SAMD13: variants seen among roughly 807,000 people sequenced by gnomAD.
The protein encoded by SAMD13 is sterile alpha motif domain-containing protein 13.
Under a neutral mutation model 12.4 loss-of-function variants are expected in SAMD13, and 9 were observed. The ratio of observed to expected loss-of-function variants is 0.72; its 90% CI spans 0.44 to 1.26. SAMD13 has a LOEUF of 1.26. Ranked by LOEUF, SAMD13 falls within the 50% of genes most tolerant of loss-of-function variation. SAMD13 has a pLI of 0.00. For synonymous variants in SAMD13, 46 were observed against 45.4 expected (o/e 1.01, Z -0.05); for missense variants, 84 against 119.6 (o/e 0.70, Z 1.39).
chr1:84,313,544 A>G (rs1678762244), intron 2 of SAMD13, among the ~76,000 whole-genome samples: 2 of 151,112 alleles, frequency 1.3e-5, no homozygotes, highest in African/African-American at 4.9e-5. Context: ...CCCCTATTTC[A>G]TTTTATCCTG....
chr1:84,339,197 T>C (rs2101816470), intron 3 of SAMD13, among the ~76,000 whole-genome samples: 1 of 152,322 alleles, frequency 6.6e-6, no homozygotes, highest in African/African-American at 2.4e-5. Context: ...GTACAGTCAT[T>C]TGGAGATAAG....
intron 3 of SAMD13, among the ~76,000 whole-genome samples, chr1:84,327,273 G>T (rs1259391349): frequency 1.3e-5 from 2 of 152,156 alleles, no homozygotes; most frequent in African/African-American, 4.8e-5. Context: ...ATGAACTACT[G>T]TTATGTGCAG....
intron 2 of SAMD13, among the ~76,000 whole-genome samples, chr1:84,317,495 A>G (rs1678860277): frequency 6.6e-6 from 1 of 151,918 alleles, no homozygotes. Flanking sequence ...TGTAAATGTG[A>G]TATGTCACAT....
intron 3 of SAMD13, among the ~76,000 whole-genome samples, chr1:84,346,005 T>C (rs923472726): frequency 1.3e-5 from 2 of 152,114 alleles, no homozygotes; most frequent in Non-Finnish European, 2.9e-5. Flanking sequence ...TACTCAGCTT[T>C]TATATGCTTT....
intron 2 of SAMD13, among the ~76,000 whole-genome samples, chr1:84,325,012 G>A (rs1441349538): frequency 6.6e-6 from 1 of 152,208 alleles, no homozygotes; most frequent in Non-Finnish European, 1.5e-5. Context: ...TCTAGTGGGA[G>A]AGACTGTTCA....
rs1679041403 is a variant in SAMD13 at position 84,325,642 on chromosome 1, T to C, written c.59T>C (p.Met20Thr). 2.5e-6 allele frequency: 4 copies of C among 1,605,544 alleles called. No individual in the cohort carries two copies. In the East Asian group the frequency reaches 6.7e-5, roughly 27 times the overall value. The part of the protein sequence containing the change: ...ENGSVGVKNS[M>T]ENGRPPDPAD... ...TCTGGATTTGTGTTTTGCAGTTCCATGGAAAATGGGAGACCACCTGATCCT... is the reference window on the plus strand; with the variant it reads ...TCTGGATTTGTGTTTTGCAGTTCCACGGAAAATGGGAGACCACCTGATCCT... The change falls in exon 3 of 4, where the codon ATG becomes ACG. Residue 20 changes from methionine (M) to threonine (T), a missense_variant. Coordinates refer to ENST00000394834, the MANE Select transcript of SAMD13 (RefSeq NM_001134663.2).
chr1:84,301,320 G>A (rs141817803), upstream of SAMD13, among the ~76,000 whole-genome samples: 967 of 152,348 alleles, frequency 6.3e-3, 14 homozygotes, highest in African/African-American at 0.023. Context: ...TAGCCCATAA[G>A]CACTGGCTTC....
chr1:84,302,211 T>G (rs1163044919), intron 1 of SAMD13, among the ~76,000 whole-genome samples: 1 of 152,182 alleles, frequency 6.6e-6, no homozygotes, highest in African/African-American at 2.4e-5. Flanking sequence ...TACTAAATGA[T>G]GCACTTGCCA....
At chr1:84,329,119 C>T (rs1018716950) in intron 3 of SAMD13, among the ~76,000 whole-genome samples, 1 of 151,940 alleles carries the variant, frequency 6.6e-6, no homozygotes, top group Non-Finnish European at 1.5e-5. Context: ...GATGGAACCC[C>T]CATGATGAGA....
chr1:84,326,437 C>G (rs984035048), intron 3 of SAMD13, among the ~76,000 whole-genome samples: 3 of 152,078 alleles, frequency 2.0e-5, no homozygotes, highest in Non-Finnish European at 4.4e-5. Flanking sequence ...TCCTCAGGTC[C>G]AGGGATGGTA....
At chr1:84,320,065 C>T (rs376529578) in intron 2 of SAMD13, among the ~76,000 whole-genome samples, 1 of 152,198 alleles carries the variant, frequency 6.6e-6, no homozygotes, top group Non-Finnish European at 1.5e-5. Context: ...CTTCTTCATC[C>T]CACAACTGAC....
At chr1:84,316,014 CTTCTT>C (rs1437301396) in intron 2 of SAMD13, among the ~76,000 whole-genome samples, 1 of 151,946 alleles carries the variant, frequency 6.6e-6, no homozygotes, top group African/African-American at 2.4e-5. Context: ...ATTTGTGTGT[CTTCTT>C]TTCAGAGATA....
At chr1:84,305,648 G>T (rs1447250250) in intron 2 of SAMD13, among the ~76,000 whole-genome samples, 1 of 152,060 alleles carries the variant, frequency 6.6e-6, no homozygotes, top group East Asian at 1.9e-4. Flanking sequence ...CAGGGTTTAG[G>T]ACTATGGTTT....
At chr1:84,301,139 G>A (rs532783859), upstream of SAMD13, among the ~76,000 whole-genome samples, 21 of 152,308 alleles carry the variant, frequency 1.4e-4, no homozygotes, top group Middle Eastern at 3.4e-3. Flanking sequence ...CATCCTTTCC[G>A]AAATATGTTA....
intron 3 of SAMD13, among the ~76,000 whole-genome samples, chr1:84,329,902 T>A (rs1241991436): frequency 6.6e-6 from 1 of 152,156 alleles, no homozygotes; most frequent in Non-Finnish European, 1.5e-5. Context: ...GCTCACCATG[T>A]AGGGAGTCTG....
At chr1:84,315,185 C>T (rs142563779) in intron 2 of SAMD13, among the ~76,000 whole-genome samples, 15 of 152,144 alleles carry the variant, frequency 9.9e-5, no homozygotes, top group Admixed American at 4.6e-4. Context: ...TACAGCATAT[C>T]GCTAAAACGT....
At chr1:84,342,918 T>TA in intron 3 of SAMD13, among the ~76,000 whole-genome samples, 1 of 151,518 alleles carries the variant, frequency 6.6e-6, no homozygotes, top group East Asian at 1.9e-4. Context: ...AGTGAACAGG[T>TA]AACCTATAGC....
intron 2 of SAMD13, among the ~76,000 whole-genome samples, chr1:84,311,953 A>G (rs1678724439): frequency 6.6e-6 from 1 of 152,192 alleles, no homozygotes; most frequent in Admixed American, 6.5e-5. Flanking sequence ...ATCTATAAAT[A>G]AAGTTTTAAT....
intron 3 of SAMD13, among the ~76,000 whole-genome samples, chr1:84,333,733 G>A (rs1454645931): frequency 6.6e-6 from 1 of 151,820 alleles, no homozygotes; most frequent in African/African-American, 2.4e-5. Context: ...TAACTTTGAT[G>A]CCTAGTTTGT....
Sources: allele counts gnomAD v4.1 joint callset (sites outside exome capture counted in the v4.1 genomes callset), GRCh38; gene constraint gnomAD v4.1.1; transcripts MANE v1.5; gene names NCBI Gene and HGNC (gene_info 2026-07-23, HGNC 2026-07-21).